CTNNA2: variants seen among roughly 807,000 people sequenced by gnomAD.
The protein encoded by CTNNA2 is catenin alpha 2, also known as catenin alpha-2.
Under a neutral mutation model 101.0 loss-of-function variants are expected in CTNNA2, and 42 were observed. That is an observed-to-expected ratio of 0.42 (90% CI 0.32 to 0.54). The LOEUF (loss-of-function observed/expected upper bound fraction) is 0.54, where lower values mean the gene tolerates loss of function less well. CTNNA2 is among the 20% of genes least tolerant of loss of function. CTNNA2 has a pLI of 0.14. For missense variants in CTNNA2, 871 were observed against 1,223.1 expected (o/e 0.71, Z 4.29); for synonymous variants, 450 against 456.4 (o/e 0.99, Z 0.18).
chr2:80,620,997 T>C (rs1459759092), intron 18 of CTNNA2, among the ~76,000 whole-genome samples: 1 of 151,980 alleles, frequency 6.6e-6, no homozygotes, highest in East Asian at 1.9e-4. Context: ...ATTTCGTATG[T>C]ATTAAAAGTT....
chr2:80,581,695 T>G lies in CTNNA2; in HGVS notation c.1894-11T>G. 2 of 1,543,830 alleles carry G rather than the reference T, an allele frequency of 1.3e-6. No individual in the cohort carries two copies. Among genetic ancestry groups the G allele is most frequent in the Non-Finnish European group, 1.8e-6 (2 of 1,116,606 alleles). On this transcript the variant is annotated splice_polypyrimidine_tract_variant and intron_variant, in intron 13 of 18. Coordinates refer to ENST00000402739, the MANE Select transcript of CTNNA2 (RefSeq NM_001282597.3). ...ATTTAAGTATGCTGACTTATATCTTTTTGTCTTTAGACCCCAGAAGAACTA... is the reference window on the plus strand; with the variant it reads ...ATTTAAGTATGCTGACTTATATCTTGTTGTCTTTAGACCCCAGAAGAACTA...
At chr2:80,498,066 G>T (rs1290588352) in intron 9 of CTNNA2, among the ~76,000 whole-genome samples, 1 of 151,924 alleles carries the variant, frequency 6.6e-6, no homozygotes, top group East Asian at 1.9e-4. Flanking sequence ...AATAAAAAAT[G>T]AATACAATTC....
At chr2:79,381,195 T>C (rs999584862) in intron 4 of CTNNA2, among the ~76,000 whole-genome samples, 9 of 152,160 alleles carry the variant, frequency 5.9e-5, no homozygotes, top group Admixed American at 4.6e-4. Context: ...AAGGGAAAGC[T>C]AGAACTGCAA....
chr2:79,649,586 C>T (rs1681071573), intron 1 of CTNNA2, among the ~76,000 whole-genome samples: 1 of 152,072 alleles, frequency 6.6e-6, no homozygotes, highest in South Asian at 2.1e-4. Context: ...GGTGTGTTGC[C>T]CAGCGGCAGA....
chr2:79,768,484 C>T (rs1019527791), intron 3 of CTNNA2, among the ~76,000 whole-genome samples: 4 of 151,532 alleles, frequency 2.6e-5, no homozygotes, highest in Non-Finnish European at 4.4e-5. Flanking sequence ...CAGGGGTGAT[C>T]GGTGGAGCTT....
chr2:79,516,731 G>GA (rs1407752739), intron 1 of CTNNA2, among the ~76,000 whole-genome samples: 29 of 152,232 alleles, frequency 1.9e-4, no homozygotes, highest in Non-Finnish European at 4.4e-5. Context: ...TCATAGTGAG[G>GA]ACCCAGAATA....
chr2:80,408,396 A>G (rs1440186022), intron 8 of CTNNA2, among the ~76,000 whole-genome samples: 1 of 152,086 alleles, frequency 6.6e-6, no homozygotes, highest in Non-Finnish European at 1.5e-5. Context: ...TTAACCACAC[A>G]TTTTTTATAG....
Position 79,884,666 on chromosome 2 carries a change from T to C in CTNNA2, c.852+10324T>C, listed in dbSNP as rs1295339902. ...CCTGGTATAGCAACTCTACATAAGTTCCCCGTCCTATTTTTACCTAATTTT... is the reference window on the plus strand; with the variant it reads ...CCTGGTATAGCAACTCTACATAAGTCCCCCGTCCTATTTTTACCTAATTTT... On this transcript the variant is annotated intron_variant, in intron 6 of 18. Transcript: ENST00000402739. 4.6e-5 allele frequency among the ~76,000 whole-genome samples: 7 copies of C among 151,962 alleles called. 1 individual carries two copies. The highest frequency in any genetic ancestry group is 1.7e-4 in the African/African-American group (7 of 41,336).
intron 15 of CTNNA2, among the ~76,000 whole-genome samples, chr2:80,596,150 T>C (rs2149753271): frequency 6.6e-6 from 1 of 152,096 alleles, no homozygotes; most frequent in Non-Finnish European, 1.5e-5. Context: ...TCACTCATGA[T>C]TTGGCTCTCT....
At chr2:80,079,804 C>T (rs913060425) in intron 7 of CTNNA2, among the ~76,000 whole-genome samples, 15 of 70,720 alleles carry the variant, frequency 2.1e-4, no homozygotes, top group African/African-American at 6.4e-4. Flanking sequence ...CAGAGGGAGA[C>T]TCCGTCTCAA....
At chr2:79,891,071 A>G (rs1037175633) in intron 6 of CTNNA2, among the ~76,000 whole-genome samples, 7 of 151,574 alleles carry the variant, frequency 4.6e-5, no homozygotes, top group African/African-American at 7.3e-5. Context: ...CATTCAGACC[A>G]TAGGATATTT....
chr2:79,689,870 G>C (rs1684175589), intron 2 of CTNNA2, among the ~76,000 whole-genome samples: 2 of 151,930 alleles, frequency 1.3e-5, no homozygotes, highest in African/African-American at 4.8e-5. Context: ...CAAAGCTAAA[G>C]AAAGAATGTG....
At chr2:79,710,607 C>A (rs184124781) in intron 2 of CTNNA2, among the ~76,000 whole-genome samples, 233 of 152,204 alleles carry the variant, frequency 1.5e-3, no homozygotes, top group African/African-American at 5.3e-3. Flanking sequence ...TACCTCAATT[C>A]TTTTTAATAA....
chr2:80,560,360 G>A (rs1693471783), intron 12 of CTNNA2, among the ~76,000 whole-genome samples: 1 of 152,152 alleles, frequency 6.6e-6, no homozygotes, highest in Non-Finnish European at 1.5e-5. Flanking sequence ...ATGAATCCAA[G>A]GTTAGGATTC....
At chr2:79,672,708 CTTTTTTTTT>C (rs768344475) in intron 2 of CTNNA2, among the ~76,000 whole-genome samples, 10 of 134,336 alleles carry the variant, frequency 7.4e-5, no homozygotes, top group South Asian at 2.4e-4. Flanking sequence ...TTTCTTTTTT[CTTTTTTTTT>C]TTTTTTTTGA....
intron 2 of CTNNA2, among the ~76,000 whole-genome samples, chr2:79,259,384 G>T (rs745474485): frequency 1.3e-5 from 2 of 152,142 alleles, no homozygotes; most frequent in Non-Finnish European, 2.9e-5. Context: ...AACCGAGTGA[G>T]CTAGGTGCAG....
At chr2:79,606,166 G>A (rs1443567202) in intron 1 of CTNNA2, among the ~76,000 whole-genome samples, 1 of 152,134 alleles carries the variant, frequency 6.6e-6, no homozygotes, top group Non-Finnish European at 1.5e-5. Context: ...ACATTAGATT[G>A]AAATATGCAT....
intron 7 of CTNNA2, among the ~76,000 whole-genome samples, chr2:80,159,602 C>G (rs1223018726): frequency 1.3e-5 from 2 of 152,110 alleles, no homozygotes; most frequent in African/African-American, 4.8e-5. Flanking sequence ...CTCAGCCTCC[C>G]AAGTAGCTGG....
chr2:80,303,658 C>T lies in CTNNA2; in HGVS notation c.1057-89553C>T, dbSNP rs768014889. On this transcript the variant is annotated intron_variant, in intron 7 of 18. Coordinates refer to ENST00000402739, the MANE Select transcript of CTNNA2 (RefSeq NM_001282597.3). This position sits in a 1 kb window ranked among gnomAD's most constrained non-coding sequence, Gnocchi z 7.7. ...TGTGGGGCGCCTCGGTGAGGTTGAG[C>T]GCCTCGCAGTACAGCAGCCGCCCCT... 2 of 1,612,762 alleles carry T rather than the reference C, an allele frequency of 1.2e-6. No homozygotes were observed. The highest frequency in any genetic ancestry group is 1.3e-5 in the African/African-American group (1 of 75,024).
Sources: gnomAD v4.1 joint callset for allele counts (sites outside exome capture counted in the v4.1 genomes callset) on GRCh38, gnomAD v4.1.1 for gene constraint, Gnocchi (gnomAD v3.1) non-coding constraint, MANE v1.5 for transcripts, NCBI Gene and HGNC (gene_info 2026-07-23, HGNC 2026-07-21) for gene names.